SMC1B: variants seen among roughly 807,000 people sequenced by gnomAD.
SMC1B encodes structural maintenance of chromosomes 1B.
A neutral mutation model predicts 157.9 loss-of-function variants in SMC1B; 60 were observed. That is an observed-to-expected ratio of 0.38 (90% CI 0.31 to 0.47). SMC1B has a LOEUF of 0.47. SMC1B is among the 20% of genes least tolerant of loss of function. The probability of loss-of-function intolerance (pLI) is 0.99; values close to 1 mark genes in which losing one functional copy is unlikely to be tolerated. For synonymous variants in SMC1B, 445 were observed against 483.0 expected (o/e 0.92, Z 1.03); for missense variants, 1,165 against 1,426.2 (o/e 0.82, Z 2.95).
intron 15 of SMC1B, among the ~76,000 whole-genome samples, chr22:45,363,271 G>A (rs372953860): frequency 2.9e-4 from 44 of 152,272 alleles, no homozygotes; most frequent in African/African-American, 9.9e-4. Flanking sequence ...AATTTCACCT[G>A]TAAGTATTTT....
intron 6 of SMC1B, among the ~76,000 whole-genome samples, chr22:45,396,696 T>C (rs1308735938): frequency 6.6e-6 from 1 of 152,032 alleles, no homozygotes; most frequent in Non-Finnish European, 1.5e-5. Context: ...TTTATTTATT[T>C]ATATTTGAAA....
chr22:45,349,916 T>A, intron 22 of SMC1B, 119 bp from the exon 23 acceptor site: 1 of 781,814 alleles, frequency 1.3e-6, no homozygotes, highest in Non-Finnish European at 2.0e-6. Flanking sequence ...TATTTCTAAG[T>A]AATCGGTGAC....
At chr22:45,405,065 C>T (rs899094128) in intron 4 of SMC1B, among the ~76,000 whole-genome samples, 1 of 152,128 alleles carries the variant, frequency 6.6e-6, no homozygotes, top group African/African-American at 2.4e-5. Context: ...GAGAAAATGG[C>T]TTTTTAATAA....
chr22:45,393,586 A>G, intron 9 of SMC1B, 48 bp downstream of exon 9: 1 of 1,403,820 alleles, frequency 7.1e-7, no homozygotes, highest in Non-Finnish European at 9.8e-7. Flanking sequence ...GAAAGCAAAC[A>G]GGAAAGCTTA....
At chr22:45,362,842 T>C in intron 16 of SMC1B, 43 bp downstream of exon 16, 1 of 1,533,502 alleles carries the variant, frequency 6.5e-7, no homozygotes, top group African/African-American at 1.4e-5. Flanking sequence ...AAGGAAGTCA[T>C]AATTTCAATG....
chr22:45,367,407 T>A (rs1403693086), intron 15 of SMC1B, among the ~76,000 whole-genome samples: 1 of 152,106 alleles, frequency 6.6e-6, no homozygotes, highest in African/African-American at 2.4e-5. Context: ...ATGGGGGAGA[T>A]CCTAAAGGGG....
intron 12 of SMC1B, among the ~76,000 whole-genome samples, chr22:45,375,970 C>T (rs1256829464): frequency 6.6e-6 from 1 of 152,026 alleles, no homozygotes; most frequent in Non-Finnish European, 1.5e-5. Context: ...TTATATGTTA[C>T]ATAGAACTGA....
intron 13 of SMC1B, among the ~76,000 whole-genome samples, 184 bp from the exon 14 acceptor site, chr22:45,371,771 A>T (rs1011152490): frequency 6.6e-6 from 1 of 152,184 alleles, no homozygotes; most frequent in Non-Finnish European, 1.5e-5. Flanking sequence ...CAATCATGGG[A>T]TAAAGTATCT....
At chr22:45,361,457 G>GAA in intron 17 of SMC1B, among the ~76,000 whole-genome samples, 1 of 124,678 alleles carries the variant, frequency 8.0e-6, no homozygotes, top group Non-Finnish European at 2.0e-5. Context: ...TACTAAAAGA[G>GAA]AAACACACAC....
Position 45,344,358 on chromosome 22 carries a change from T to A in SMC1B, c.*198A>T. The A allele has an allele frequency of 2.5e-6, 1 of 399,304 alleles. No individual in the cohort carries two copies. The allele number at this position is 399,304 out of a possible 1,614,324, so 24.7% of individuals were successfully genotyped here. A position where few individuals can be genotyped will look rare whatever the true frequency, so the allele number is the denominator to read the frequency against. On this transcript the variant is annotated 3_prime_UTR_variant, in exon 25 of 25. Coordinates refer to ENST00000357450, the MANE Select transcript of SMC1B (RefSeq NM_148674.5). Reference sequence around the variant, plus strand: ...AAACTCATTTGACACCAGCTCTCACTGAAAACTTTCCCTACTAGAATGAGG... The same window carrying A: ...AAACTCATTTGACACCAGCTCTCACAGAAAACTTTCCCTACTAGAATGAGG...
chr22:45,406,589 T>G lies in SMC1B; in HGVS notation c.486A>C (p.Gly162=), dbSNP rs1479118905. The change falls in exon 4 of 25, where the codon GGA becomes GGC. Residue 162 remains glycine, a synonymous_variant. Transcript: ENST00000357450. ...TQFFEEISTS[G]ELIGEYEEKK... is the part of the protein sequence containing the mutation. ...TTTCTTCATATTCTCCTATAAGCTC[T>G]CCTGAAGTGCTGATTTCCTCAAAAA... 1 of 1,613,762 alleles carries G rather than the reference T, an allele frequency of 6.2e-7. No individual in the cohort carries two copies.
Position 45,393,745 on chromosome 22 carries a change from A to G in SMC1B, c.1434T>C (p.Asn478=). ...CATTCTGCAATTCACTTCTAATAAG[A>G]TTCAATTCTTCATTAACTTCAGACA... ...SRMSEVNEEL[N]LIRSELQNAG... is the part of the protein sequence containing the mutation. Residue 478 remains asparagine (N), a synonymous_variant, in exon 9 of 25, where the codon AAT becomes AAC. Transcript: ENST00000357450. The G allele has an allele frequency of 1.9e-6, 3 of 1,613,818 alleles. No individual in the cohort carries two copies. Among genetic ancestry groups the G allele is most frequent in the Non-Finnish European group, 2.5e-6 (3 of 1,179,726 alleles).
At position 45,359,953 on chromosome 22, in the gene SMC1B, A is replaced by G. The variant is rs1326875656; in HGVS notation, c.2714T>C (p.Val905Ala). Residue 905 changes from valine to alanine, a missense_variant, in exon 18 of 25, where the codon GTG (valine) becomes GCG (alanine). Val to Ala is a moderately conservative substitution (Grantham distance 64). Transcript: ENST00000357450. ...TACAACTTCTTTTTGCAATTTCCCC[A>G]CTTCCCTGTAATTACACAGATATGA... ...RKKFLAVDRE[V>A]GKLQKEVVSI... 6.2e-7 allele frequency: 1 copy of G among 1,612,772 alleles called. No individual in the cohort carries two copies. Among genetic ancestry groups the G allele is most frequent in the Non-Finnish European group, 8.5e-7 (1 of 1,179,152 alleles).
intron 12 of SMC1B, among the ~76,000 whole-genome samples, chr22:45,378,176 T>C (rs1021425085): frequency 1.3e-5 from 2 of 152,154 alleles, no homozygotes; most frequent in African/African-American, 4.8e-5. Flanking sequence ...AAGATAATGG[T>C]AGGAAGTATA....
Position 45,363,045 on chromosome 22 carries a change from G to C in SMC1B, c.2421-19C>G. 1 of 1,528,402 alleles carries C rather than the reference G, an allele frequency of 6.5e-7. No homozygotes were observed. The highest frequency in any genetic ancestry group is 8.8e-7 in the Non-Finnish European group (1 of 1,137,816). 94.7% of individuals were successfully genotyped at this position (1,528,402 alleles called of 1,614,324 possible). A position where few individuals can be genotyped will look rare whatever the true frequency, so the allele number is the denominator to read the frequency against. ...TTCTAATCTAGTATAATAAAGTCAAGCATTACAAGTGTAAACAGAAAACTT... is the reference window on the plus strand; with the variant it reads ...TTCTAATCTAGTATAATAAAGTCAACCATTACAAGTGTAAACAGAAAACTT... On this transcript the variant is annotated intron_variant, in intron 15 of 24. Transcript: ENST00000357450.
chr22:45,353,909 AAAAAAAAAAAAC>A lies in SMC1B; in HGVS notation c.3273+57_3273+68del, dbSNP rs1385853642. On this transcript the variant is annotated intron_variant, in intron 21 of 24. Coordinates refer to ENST00000357450, the MANE Select transcript of SMC1B (RefSeq NM_148674.5). ...ATTTCCCACCAAAAAAAAAAAAAAA[AAAAAAAAAAAAC>A]AACCACCACCGGTAACACAGAATTC... The A allele has an allele frequency of 8.7e-4, 593 of 683,966 alleles. 9 individuals are homozygous for A. Among genetic ancestry groups the A allele is most frequent in the East Asian group, 7.9e-3 (175 of 22,130 alleles). 42.4% of individuals were successfully genotyped at this position (683,966 alleles called of 1,614,324 possible).
rs1357151796 is a variant in SMC1B, at chr22:45,358,761, A to G, written c.2897T>C (p.Ile966Thr). The G allele has an allele frequency of 3.1e-6, 5 of 1,613,242 alleles. No individual in the cohort carries two copies. The highest frequency in any genetic ancestry group is 3.3e-5 in the Admixed American group (2 of 59,960). The change falls in exon 19 of 25, where the codon ATT becomes ACT. Residue 966 changes from isoleucine (I) to threonine (T), a missense_variant. By Grantham distance (89) the Ile-to-Thr change is moderately conservative. Coordinates refer to ENST00000357450, the MANE Select transcript of SMC1B (RefSeq NM_148674.5). ...GGCTTCTTCTTTTTCATAGATATCA[A>G]TTGTTGCCTGGGTACTTTCTGCTTC... The part of the protein sequence containing the change: ...GTEAESTQAT[I>T]DIYEKEEAFE...
chr22:45,359,415 TACTC>T (rs1278856183), intron 18 of SMC1B, among the ~76,000 whole-genome samples: 1 of 152,226 alleles, frequency 6.6e-6, no homozygotes, highest in African/African-American at 2.4e-5. Context: ...CACCTGGAGA[TACTC>T]AGTAGGGCAC....
chr22:45,409,614 A>T (rs2087307823), intron 1 of SMC1B, among the ~76,000 whole-genome samples: 1 of 138,370 alleles, frequency 7.2e-6, no homozygotes, highest in Non-Finnish European at 1.6e-5. Flanking sequence ...ATAAATAAAA[A>T]CAAGAGAAGC....
Sources: allele counts gnomAD v4.1 joint callset (sites outside exome capture counted in the v4.1 genomes callset), GRCh38; gene constraint gnomAD v4.1.1; transcripts MANE v1.5; gene names NCBI Gene and HGNC (gene_info 2026-07-23, HGNC 2026-07-21).